The following MAGEL2 variants were observed in gnomAD, a reference collection of about 807,000 sequenced individuals.
MAGEL2 encodes MAGE family member L2.
For missense variants in MAGEL2, 1,830 were observed against 1,699.2 expected (o/e 1.08, Z -1.35); for synonymous variants, 792 against 721.7 (o/e 1.10, Z -1.56).
Position 23,644,007 on chromosome 15 carries a change from G to T in MAGEL2, c.3736C>A (p.Pro1246Thr). The T allele has an allele frequency of 1.9e-6, 3 of 1,597,684 alleles. No homozygotes were observed. Among genetic ancestry groups the T allele is most frequent in the Non-Finnish European group, 2.6e-6 (3 of 1,169,794 alleles). ...TGCTACACCTATTAGCGGGGAGGGG[G>T]CCTGCTGGTGGGGCCGTGGGCACTG... The part of the protein sequence containing the change: ...GDSAHGPTSR[P>T]PPR The change falls in exon 1 of 1, where the codon CCC (proline) becomes ACC (threonine). Residue 1246 changes from proline to threonine, a missense_variant. Pro to Thr is a conservative substitution (Grantham distance 38). Coordinates refer to ENST00000650528, the MANE Select transcript of MAGEL2 (RefSeq NM_019066.5).
In MAGEL2 at chr15:23,644,541, T is replaced by G. The variant is rs374449834; in HGVS notation, c.3202A>C (p.Lys1068Gln). The G allele has an allele frequency of 3.7e-6, 6 of 1,613,706 alleles. No homozygotes were observed. The African/African-American group carries it at 6.7e-5, about 18-fold the overall frequency. ...CLDIINRANN[K>Q]LECAFGYQLK... is the part of the protein sequence containing the mutation. ...TGATAACCAAAGGCACACTCCAGCT[T>G]ATTGTTGGCACGGTTGATGATATCT... Residue 1068 changes from lysine to glutamine, a missense_variant, in exon 1 of 1, where the codon AAG becomes CAG. Lys to Gln is a moderately conservative substitution (Grantham distance 53, BLOSUM62 1). Transcript: ENST00000650528.
At position 23,646,769 on chromosome 15, in the gene MAGEL2, G is replaced by A. The variant is rs1389279867; in HGVS notation, c.974C>T (p.Pro325Leu). ...PAQPMAPPAQ[P>L]MASWAPQAQP... ...AGCCTGCGGGGCCCAAGAAGCCATC[G>A]GCTGTGCAGGTGGGGCCATCGGCTG... The change falls in exon 1 of 1, where the codon CCG becomes CTG. Residue 325 changes from proline to leucine, a missense_variant. Coordinates refer to ENST00000650528, the MANE Select transcript of MAGEL2 (RefSeq NM_019066.5). The surrounding 1 kb of genome is among the most constrained non-coding windows in gnomAD (Gnocchi z 4.2). 2.0e-6 allele frequency: 3 copies of A among 1,533,276 alleles called. No individual in the cohort carries two copies. Among genetic ancestry groups the A allele is most frequent in the South Asian group, 1.2e-5 (1 of 83,966 alleles). The allele number at this position is 1,533,276 out of a possible 1,614,324, so 95.0% of individuals were successfully genotyped here.
Position 23,646,966 on chromosome 15 carries a change from C to T in MAGEL2, c.777G>A (p.Met259Ile), listed in dbSNP as rs1437121905. ...MVQPAAPGAP[M>I]VQPPPAAMMT... is the part of the protein sequence containing the mutation. ...TCATGGCTGCTGGAGGCGGCTGGAC[C>T]ATCGGTGCTCCCGGAGCAGCAGGCT... Residue 259 changes from methionine (M) to isoleucine (I), a missense_variant, in exon 1 of 1, where the codon ATG becomes ATA. Transcript: ENST00000650528. This position sits in a 1 kb window ranked among gnomAD's most constrained non-coding sequence, Gnocchi z 4.2. 6.5e-7 allele frequency: 1 copy of T among 1,536,844 alleles called. No individual in the cohort carries two copies. Among genetic ancestry groups the T allele is most frequent in the Non-Finnish European group, 8.7e-7 (1 of 1,146,852 alleles).
At position 23,645,006 on chromosome 15, in the gene MAGEL2, G is replaced by A. The variant is rs773688828; in HGVS notation, c.2737C>T (p.Pro913Ser). The A allele has an allele frequency of 1.2e-6, 2 of 1,613,874 alleles. No homozygotes were observed. Among genetic ancestry groups the A allele is most frequent in the Non-Finnish European group, 1.7e-6 (2 of 1,179,900 alleles). Residue 913 changes from proline to serine, a missense_variant, in exon 1 of 1, where the codon CCC (proline) becomes TCC (serine). Transcript: ENST00000650528. ...TCACTCAGATTTAGATTCTCCCAGGGCCTTGGGCCCTGCCAGTCATGAAAG... is the reference window on the plus strand; with the variant it reads ...TCACTCAGATTTAGATTCTCCCAGGACCTTGGGCCCTGCCAGTCATGAAAG... ...LAFHDWQGPR[P>S]WENLNLSDWE...
Position 23,645,953 on chromosome 15 carries a change from G to A in MAGEL2, c.1790C>T (p.Pro597Leu). ...WQAPKGQPPV[P>L]HEIPTSMEFQ... ...TTCCATTGACGTTGGAATCTCGTGT[G>A]GCACCGGGGGCTGACCTTTGGGGGC... is the stretch of plus-strand genomic sequence containing the variant. Residue 597 changes from proline to leucine, a missense_variant, in exon 1 of 1, where the codon CCA becomes CTA. Transcript: ENST00000650528. 5 of 1,566,132 alleles carry A rather than the reference G, an allele frequency of 3.2e-6. No individual in the cohort carries two copies. The highest frequency in any genetic ancestry group is 4.3e-6 in the Non-Finnish European group (5 of 1,155,058).
rs1417430051 is a variant in MAGEL2 at position 23,646,985 on chromosome 15, G to T, written c.758C>A (p.Ala253Asp). The T allele has an allele frequency of 2.6e-6, 4 of 1,536,902 alleles. No homozygotes were observed. The highest frequency in any genetic ancestry group is 2.6e-6 in the Non-Finnish European group (3 of 1,146,898). ...CTGGACCATCGGTGCTCCCGGAGCA[G>T]CAGGCTGGACCATCAGGACTCCCGG... ...LTPGVLMVQP[A>D]APGAPMVQPP... The change falls in exon 1 of 1, where the codon GCT (alanine) becomes GAT (aspartate). Residue 253 changes from alanine (A) to aspartate (D), a missense_variant. Physicochemically the swap from Ala to Asp is moderately radical, Grantham distance 126 (BLOSUM62 -2). Transcript: ENST00000650528. This position sits in a 1 kb window ranked among gnomAD's most constrained non-coding sequence, Gnocchi z 4.2.
Position 23,646,753 on chromosome 15 carries a change from G to C in MAGEL2, c.990C>G (p.Ala330=). The change falls in exon 1 of 1, where the codon GCC becomes GCG. Residue 330 remains alanine, a synonymous_variant. Coordinates refer to ENST00000650528, the MANE Select transcript of MAGEL2 (RefSeq NM_019066.5). The surrounding 1 kb of genome is among the most constrained non-coding windows in gnomAD (Gnocchi z 4.2). ...GCAGGATCAGAGGCTGAGCCTGCGG[G>C]GCCCAAGAAGCCATCGGCTGTGCAG... ...APPAQPMASW[A]PQAQPLILQI... 1 of 1,535,006 alleles carries C rather than the reference G, an allele frequency of 6.5e-7. No homozygotes were observed. The highest frequency in any genetic ancestry group is 1.2e-5 in the South Asian group (1 of 83,982).
In MAGEL2 at chr15:23,645,844, C is replaced by G. The variant is rs758503913; in HGVS notation, c.1899G>C (p.Gln633His). The G allele has an allele frequency of 1.9e-6, 3 of 1,581,882 alleles. No homozygotes were observed. Among genetic ancestry groups the G allele is most frequent in the Non-Finnish European group, 2.6e-6 (3 of 1,164,856 alleles). Residue 633 changes from glutamine (Q) to histidine (H), a missense_variant, in exon 1 of 1, where the codon CAG becomes CAC. Gln to His is a conservative substitution (Grantham distance 24). Coordinates refer to ENST00000650528, the MANE Select transcript of MAGEL2 (RefSeq NM_019066.5). The stretch of plus-strand genomic sequence containing the variant: ...AGGGGGGAGCCTGCCTCTGGGCCTC[C>G]TGGGCAGGCAGGGGCTGCCAGATGT... ...PTHIWQPLPAQEAQRQAPPLV... is the reference protein window; with the variant it reads ...PTHIWQPLPAHEAQRQAPPLV...
rs1464121231 is a variant in MAGEL2, at chr15:23,646,419, G to A, written c.1324C>T (p.Pro442Ser). 7.1e-7 allele frequency: 1 copy of A among 1,409,636 alleles called. No homozygotes were observed. The highest frequency in any genetic ancestry group is 9.1e-7 in the Non-Finnish European group (1 of 1,092,898). 87.3% of individuals were successfully genotyped at this position (1,409,636 alleles called of 1,614,324 possible). A position where few individuals can be genotyped will look rare whatever the true frequency, so the allele number is the denominator to read the frequency against. ...ACGGGTGGGGCCTGGCGGATCACCG[G>A]TGGGGCCTGGCGGATCAGCGGTGGG... Reference protein sequence around the residue: ...QAPPLIRQAPPVIRQAPPVIR... With the variant: ...QAPPLIRQAPSVIRQAPPVIR... The change falls in exon 1 of 1, where the codon CCG (proline) becomes TCG (serine). Residue 442 changes from proline (P) to serine (S), a missense_variant. Physicochemically the swap from Pro to Ser is moderately conservative, Grantham distance 74. Coordinates refer to ENST00000650528, the MANE Select transcript of MAGEL2 (RefSeq NM_019066.5). The surrounding 1 kb of genome is among the most constrained non-coding windows in gnomAD (Gnocchi z 4.2).
rs1890456448 is a variant in MAGEL2 at position 23,647,853 on chromosome 15, T to G, written c.-111A>C. The G allele has an allele frequency of 8.7e-7, 1 of 1,145,558 alleles. No individual in the cohort carries two copies. The highest frequency in any genetic ancestry group is 1.2e-6 in the Non-Finnish European group (1 of 849,978). 71.0% of individuals were successfully genotyped at this position (1,145,558 alleles called of 1,614,324 possible). On this transcript the variant is annotated 5_prime_UTR_variant, in exon 1 of 1. Coordinates refer to ENST00000650528, the MANE Select transcript of MAGEL2 (RefSeq NM_019066.5). ...GTTCAGAGGCTCCCTCCCTGCTGAA[T>G]GCTGAATAGGAAGTGAGTGCTGCTC...
At position 23,644,200 on chromosome 15, in the gene MAGEL2, C is replaced by T; in HGVS notation, c.3543G>A (p.Glu1181=). The T allele has an allele frequency of 1.2e-6, 2 of 1,613,946 alleles. No individual in the cohort carries two copies. The highest frequency in any genetic ancestry group is 2.2e-5 in the East Asian group (1 of 44,888). ...RIPYTEPAEY[E]FLWGPRAFLE... ...GGAATGCTCGAGGGCCCCAGAGGAA[C>T]TCATACTCTGCGGGCTCAGTGTAAG... Residue 1181 remains glutamate (E), a synonymous_variant, in exon 1 of 1, where the codon GAG becomes GAA. Transcript: ENST00000650528.
rs769643348 is a variant in MAGEL2, at chr15:23,647,702, G to A, written c.41C>T (p.Pro14Leu). 5 of 1,487,918 alleles carry A rather than the reference G, an allele frequency of 3.4e-6. No individual in the cohort carries two copies. Among genetic ancestry groups the A allele is most frequent in the South Asian group, 1.3e-5 (1 of 76,944 alleles). The allele number at this position is 1,487,918 out of a possible 1,614,324, so 92.2% of individuals were successfully genotyped here. A position where few individuals can be genotyped will look rare whatever the true frequency, so the allele number is the denominator to read the frequency against. ...GACAGGCGGCTTCGGGGCCTCCGCC[G>A]GAGGACTCGAGTCACCCAGATTCTT... is the stretch of plus-strand genomic sequence containing the variant. Reference protein sequence around the residue: ...LSKNLGDSSPPAEAPKPPVYS... With the variant: ...LSKNLGDSSPLAEAPKPPVYS... Residue 14 changes from proline (P) to leucine (L), a missense_variant, in exon 1 of 1, where the codon CCG (proline) becomes CTG (leucine). Transcript: ENST00000650528.
chr15:23,646,494 G>T lies in MAGEL2; in HGVS notation c.1249C>A (p.Arg417Ser). Residue 417 changes from arginine (R) to serine (S), a missense_variant, in exon 1 of 1, where the codon CGC (arginine) becomes AGC (serine). Transcript: ENST00000650528. This position sits in a 1 kb window ranked among gnomAD's most constrained non-coding sequence, Gnocchi z 4.2. ...PPMRQGPPPI[R>S]PGPPPIRPGP... ...GGGCGGATGGGTGGTGGGCCAGGGC[G>T]GATGGGCGGGGGCCCCTGGCGCATG... The T allele has an allele frequency of 6.9e-7, 1 of 1,452,298 alleles. No individual in the cohort carries two copies. The highest frequency in any genetic ancestry group is 9.0e-7 in the Non-Finnish European group (1 of 1,110,638). The allele number at this position is 1,452,298 out of a possible 1,614,324, so 90.0% of individuals were successfully genotyped here. A position where few individuals can be genotyped will look rare whatever the true frequency, so the allele number is the denominator to read the frequency against.
chr15:23,643,741 T>C lies in MAGEL2; in HGVS notation c.*252A>G, dbSNP rs1285300631. On this transcript the variant is annotated 3_prime_UTR_variant, in exon 1 of 1. Transcript: ENST00000650528. ...CAAAGCTGATACCAAAACATAACAA[T>C]TAAAACACAAAACAGAGAACCACAG... 2 of 405,780 alleles carry C rather than the reference T, an allele frequency of 4.9e-6. No individual in the cohort carries two copies. Among genetic ancestry groups the C allele is most frequent in the East Asian group, 7.4e-5 (2 of 26,854 alleles). 25.1% of individuals were successfully genotyped at this position (405,780 alleles called of 1,614,324 possible). A position where few individuals can be genotyped will look rare whatever the true frequency, so the allele number is the denominator to read the frequency against.
Position 23,643,817 on chromosome 15 carries a change from T to C in MAGEL2, c.*176A>G, listed in dbSNP as rs1595330964. ...AAATACAGAACAGAACAGTAGCCGA[T>C]TGAAATCAACACCACATAAAAAATG... On this transcript the variant is annotated 3_prime_UTR_variant, in exon 1 of 1. Coordinates refer to ENST00000650528, the MANE Select transcript of MAGEL2 (RefSeq NM_019066.5). The C allele has an allele frequency of 1.6e-6, 1 of 627,820 alleles. No homozygotes were observed. Among genetic ancestry groups the C allele is most frequent in the Non-Finnish European group, 2.6e-6 (1 of 389,884 alleles). 38.9% of individuals were successfully genotyped at this position (627,820 alleles called of 1,614,324 possible).
In MAGEL2 at chr15:23,647,120, G is replaced by A. The variant is rs1369615335; in HGVS notation, c.623C>T (p.Pro208Leu). The change falls in exon 1 of 1, where the codon CCG (proline) becomes CTG (leucine). Residue 208 changes from proline to leucine, a missense_variant. Coordinates refer to ENST00000650528, the MANE Select transcript of MAGEL2 (RefSeq NM_019066.5). ...CCCCGGAGGTGGAGGATGAGCCATC[G>A]GTGTCCCCGGAGGGGGAGGATGAGC... is the stretch of plus-strand genomic sequence containing the variant. ...PMAHPPPPGT[P>L]MAHPPPPGTP... is the part of the protein sequence containing the mutation. The A allele has an allele frequency of 6.5e-7, 1 of 1,529,354 alleles. No individual in the cohort carries two copies. The highest frequency in any genetic ancestry group is 1.2e-5 in the South Asian group (1 of 82,658). 94.7% of individuals were successfully genotyped at this position (1,529,354 alleles called of 1,614,324 possible).
In MAGEL2 at chr15:23,645,458, A is replaced by G; in HGVS notation, c.2285T>C (p.Val762Ala). 6.2e-7 allele frequency: 1 copy of G among 1,613,960 alleles called. No homozygotes were observed. The highest frequency in any genetic ancestry group is 1.3e-5 in the African/African-American group (1 of 75,066). Residue 762 changes from valine (V) to alanine (A), a missense_variant, in exon 1 of 1, where the codon GTG (valine) becomes GCG (alanine). By Grantham distance (64) the Val-to-Ala change is moderately conservative. Transcript: ENST00000650528. ...FAATFCAPKAVSAARAHLPAA... is the reference protein window; with the variant it reads ...FAATFCAPKAASAARAHLPAA... Reference sequence around the variant, plus strand: ...TGGCAGGTGTGCTCGCGCAGCTGACACTGCCTTGGGAGCACAGAAGGTGGC... The same window carrying G: ...TGGCAGGTGTGCTCGCGCAGCTGACGCTGCCTTGGGAGCACAGAAGGTGGC...
At position 23,643,931 on chromosome 15, in the gene MAGEL2, C is replaced by A; in HGVS notation, c.*62G>T. ...CACAAACACCAGGAACAAAAATGTC[C>A]CCCCACCCTGTCAGTGGCCTCTGGC... On this transcript the variant is annotated 3_prime_UTR_variant, in exon 1 of 1. Transcript: ENST00000650528. 1 of 1,470,788 alleles carries A rather than the reference C, an allele frequency of 6.8e-7. No individual in the cohort carries two copies. The highest frequency in any genetic ancestry group is 1.5e-5 in the South Asian group (1 of 65,086). 91.1% of individuals were successfully genotyped at this position (1,470,788 alleles called of 1,614,324 possible). A position where few individuals can be genotyped will look rare whatever the true frequency, so the allele number is the denominator to read the frequency against.
At position 23,643,940 on chromosome 15, in the gene MAGEL2, T is replaced by C; in HGVS notation, c.*53A>G. 2.7e-6 allele frequency: 4 copies of C among 1,490,188 alleles called. No homozygotes were observed. The South Asian group carries it at 5.9e-5, about 22-fold the overall frequency. 92.3% of individuals were successfully genotyped at this position (1,490,188 alleles called of 1,614,324 possible). ...CAGGAACAAAAATGTCCCCCCACCC[T>C]GTCAGTGGCCTCTGGCCAGGGAAAC... On this transcript the variant is annotated 3_prime_UTR_variant, in exon 1 of 1. Coordinates refer to ENST00000650528, the MANE Select transcript of MAGEL2 (RefSeq NM_019066.5).
Sources: allele counts gnomAD v4.1 joint callset, GRCh38; gene constraint gnomAD v4.1.1; non-coding constraint Gnocchi (gnomAD v3.1); transcripts MANE v1.5; gene names NCBI Gene and HGNC (gene_info 2026-07-23, HGNC 2026-07-21).